PTPRO: variants seen among roughly 807,000 people sequenced by gnomAD.
The protein encoded by PTPRO is protein tyrosine phosphatase receptor type O.
PTPRO carries 62 observed loss-of-function variants against 145.2 expected under a neutral mutation model. That is an observed-to-expected ratio of 0.43 (90% confidence interval 0.35 to 0.53). PTPRO has a LOEUF of 0.53. PTPRO is among the 20% of genes least tolerant of loss of function. The pLI is 0.01. For missense variants in PTPRO, 1,345 were observed against 1,482.7 expected, an observed-to-expected ratio of 0.91 and a Z score of 1.53; for synonymous variants, 565 against 514.7, an observed-to-expected ratio of 1.10 and a Z score of -1.32.
At chr12:15,442,696 A>G (rs756714824) in intron 1 of PTPRO, among the ~76,000 whole-genome samples, 16 of 152,136 alleles carry the variant, frequency 1.1e-4, no homozygotes, top group Non-Finnish European at 2.2e-4. Context: ...TTATACACCA[A>G]TAGCATTCAA....
At position 15,578,838 on chromosome 12, in the gene PTPRO, C is replaced by T; in HGVS notation, c.2830-15C>T. 1 of 1,545,276 alleles carries T rather than the reference C, an allele frequency of 6.5e-7. No homozygotes were observed. Among genetic ancestry groups the T allele is most frequent in the Non-Finnish European group, 8.9e-7 (1 of 1,117,358 alleles). On this transcript the variant is annotated splice_polypyrimidine_tract_variant and intron_variant, in intron 19 of 26. Transcript: ENST00000281171. ...CACGTATGGAACTCTCAAATCCATT[C>T]TCTGTCCTTTACAGGAGTTGAAATT... is the stretch of plus-strand genomic sequence containing the variant.
chr12:15,535,754 G>A (rs1943054112), intron 12 of PTPRO, among the ~76,000 whole-genome samples: 1 of 152,154 alleles, frequency 6.6e-6, no homozygotes, highest in Admixed American at 6.5e-5. Flanking sequence ...ACAGAACAGG[G>A]AGGAGCCTCA....
intron 1 of PTPRO, among the ~76,000 whole-genome samples, chr12:15,368,113 G>A (rs1209059548): frequency 3.3e-5 from 5 of 152,124 alleles, no homozygotes; most frequent in Non-Finnish European, 1.5e-5. Context: ...ACTCGCCAGG[G>A]TCTGGACTCC....
chr12:15,560,112 T>G, intron 16 of PTPRO, 81 bp from the exon 17 acceptor site: 1 of 955,450 alleles, frequency 1.0e-6, no homozygotes, highest in Non-Finnish European at 1.7e-6. Context: ...ATAGGTAATT[T>G]ACTGATATCT....
chr12:15,588,803 T>G (rs573062072), intron 24 of PTPRO, among the ~76,000 whole-genome samples: 1 of 152,190 alleles, frequency 6.6e-6, no homozygotes, highest in Non-Finnish European at 1.5e-5. Context: ...ATCAGCTCTC[T>G]GAATTCAGAA....
chr12:15,412,767 C>T (rs978680128), intron 1 of PTPRO, among the ~76,000 whole-genome samples: 2 of 152,020 alleles, frequency 1.3e-5, no homozygotes, highest in African/African-American at 4.8e-5. Flanking sequence ...TGTATAGAGG[C>T]TTTTTGTTGT....
At chr12:15,355,039 T>C (rs1022977036) in intron 1 of PTPRO, among the ~76,000 whole-genome samples, 11 of 152,088 alleles carry the variant, frequency 7.2e-5, no homozygotes, top group East Asian at 1.9e-4. Flanking sequence ...TTTTGAGTAG[T>C]AAAGGAATTT....
At chr12:15,401,395 T>A (rs1448110301) in intron 1 of PTPRO, among the ~76,000 whole-genome samples, 1 of 152,160 alleles carries the variant, frequency 6.6e-6, no homozygotes, top group Non-Finnish European at 1.5e-5. Context: ...ACAAGAAATA[T>A]TTGAGGAAAA....
chr12:15,405,431 C>T (rs1420871559), intron 1 of PTPRO, among the ~76,000 whole-genome samples: 1 of 152,146 alleles, frequency 6.6e-6, no homozygotes, highest in Non-Finnish European at 1.5e-5. Flanking sequence ...GACAGTGTAT[C>T]TCATATTAAT....
chr12:15,461,218 T>C (rs1330177099), intron 1 of PTPRO, among the ~76,000 whole-genome samples: 2 of 152,212 alleles, frequency 1.3e-5, no homozygotes, highest in African/African-American at 2.4e-5. Context: ...ATCCCAGATC[T>C]TTACATAAAC....
chr12:15,586,281 A>C (rs192972730), intron 23 of PTPRO, among the ~76,000 whole-genome samples: 2 of 152,360 alleles, frequency 1.3e-5, no homozygotes, highest in Non-Finnish European at 2.9e-5. Context: ...CAGAGCATTC[A>C]GCTGAAAATC....
At chr12:15,556,825 AT>A (rs952459737) in intron 15 of PTPRO, among the ~76,000 whole-genome samples, 11 of 152,230 alleles carry the variant, frequency 7.2e-5, no homozygotes, top group African/African-American at 2.4e-4. Flanking sequence ...TTGTAAAAAA[AT>A]AAATAAATAT....
chr12:15,399,289 A>G (rs1413737145), intron 1 of PTPRO, among the ~76,000 whole-genome samples: 1 of 152,222 alleles, frequency 6.6e-6, no homozygotes, highest in Non-Finnish European at 1.5e-5. Flanking sequence ...ATATTAACAT[A>G]TGTAGTTCTC....
intron 1 of PTPRO, among the ~76,000 whole-genome samples, chr12:15,443,801 A>G (rs1036206009): frequency 1.1e-4 from 16 of 152,160 alleles, no homozygotes; most frequent in Non-Finnish European, 1.0e-4. Flanking sequence ...ATCTCACACC[A>G]GTCAGAACGG....
intron 16 of PTPRO, among the ~76,000 whole-genome samples, chr12:15,559,006 A>G (rs1813053247): frequency 6.6e-6 from 1 of 152,210 alleles, no homozygotes; most frequent in South Asian, 2.1e-4. Context: ...ACTCTTTCCA[A>G]AATTAAGAGG....
chr12:15,410,278 A>C (rs962510300), intron 1 of PTPRO: 1 of 152,196 alleles, frequency 6.6e-6, no homozygotes, highest in Non-Finnish European at 1.5e-5. Context: ...TATTGTTTCT[A>C]GGAGTGCCTG....
chr12:15,482,500 T>A (rs1346364961), intron 1 of PTPRO, among the ~76,000 whole-genome samples: 2 of 152,112 alleles, frequency 1.3e-5, no homozygotes, highest in Admixed American at 1.3e-4. Context: ...TCGTGTATTT[T>A]CAAATAACTA....
chr12:15,426,077 A>G (rs1940277984), intron 1 of PTPRO, among the ~76,000 whole-genome samples: 1 of 151,550 alleles, frequency 6.6e-6, no homozygotes, highest in African/African-American at 2.4e-5. Flanking sequence ...CTTTTCATTT[A>G]TTAAGGTCTT....
At chr12:15,373,443 A>G (rs906170113) in intron 1 of PTPRO, among the ~76,000 whole-genome samples, 1 of 152,106 alleles carries the variant, frequency 6.6e-6, no homozygotes, top group African/African-American at 2.4e-5. Flanking sequence ...AGATGGAGAG[A>G]TTTCTTAAGT....
Sources: allele counts gnomAD v4.1 joint callset (sites outside exome capture counted in the v4.1 genomes callset), GRCh38; gene constraint gnomAD v4.1.1; transcripts MANE v1.5; gene names NCBI Gene and HGNC (gene_info 2026-07-23, HGNC 2026-07-21).